Variants in ADGRG4 observed in about 807,000 individuals in gnomAD.
ADGRG4 encodes the protein G protein-coupled receptor 112.
A neutral mutation model predicts 126.2 loss-of-function variants in ADGRG4; 122 were observed. The ratio of observed to expected loss-of-function variants is 0.97; its 90% CI spans 0.83 to 1.12. ADGRG4 has a LOEUF of 1.12. Ranked by LOEUF, ADGRG4 falls within the 50% of genes most tolerant of loss-of-function variation. ADGRG4 has a pLI of 0.00. For synonymous variants in ADGRG4, 943 were observed against 838.7 expected, an observed-to-expected ratio of 1.12 and a Z score of -2.15; for missense variants, 2,481 against 2,251.8, an observed-to-expected ratio of 1.10 and a Z score of -2.06.
At position 136,348,124 on chromosome X, in the gene ADGRG4, T is replaced by G. The variant is rs934681365; in HGVS notation, c.4418T>G (p.Leu1473Arg). Residue 1473 changes from leucine to arginine, a missense_variant, in exon 6 of 26, where the codon CTA becomes CGA. Physicochemically the swap from Leu to Arg is moderately radical, Grantham distance 102 (BLOSUM62 -2). Transcript: ENST00000394143. ...PESLSLSTAG[L>R]YNDGFTVLSD... The stretch of plus-strand genomic sequence containing the variant: ...TCCTTGTCTCTTTCCACAGCTGGAC[T>G]ATATAATGACGGTTTTACAGTTCTC... The G allele has an allele frequency of 9.1e-6, 11 of 1,210,798 alleles. No homozygotes were observed. The highest frequency in any genetic ancestry group is 6.5e-5 in the Admixed American group (3 of 46,008).
At chrX:136,373,356 T>C (rs1171655876) in intron 15 of ADGRG4, among the ~76,000 whole-genome samples, 1 of 111,730 alleles carries the variant, frequency 9.0e-6, no homozygotes, top group African/African-American at 3.3e-5. Flanking sequence ...TGTTGGACAT[T>C]GTGCTACTGC....
chrX:136,327,464 A>AAAT (rs201257685), intron 5 of ADGRG4, among the ~76,000 whole-genome samples: 2,134 of 97,463 alleles, frequency 0.022, 27 homozygotes, highest in African/African-American at 0.042. Context: ...GTGGGAAATA[A>AAAT]AATAATAATA....
chrX:136,322,760 T>G lies in ADGRG4; in HGVS notation c.71-18T>G. On this transcript the variant is annotated intron_variant, in intron 4 of 25. Transcript: ENST00000394143. ...AATTTCATTTGTTTTCTCTTTCCCCTCCCCCAAATTTGGACAGATACACTT... is the reference window on the plus strand; with the variant it reads ...AATTTCATTTGTTTTCTCTTTCCCCGCCCCCAAATTTGGACAGATACACTT... 9 of 1,152,527 alleles carry G rather than the reference T, an allele frequency of 7.8e-6. No individual in the cohort carries two copies. Among genetic ancestry groups the G allele is most frequent in the Non-Finnish European group, 1.0e-5 (9 of 867,331 alleles). 95.0% of individuals were successfully genotyped at this position (1,152,527 alleles called of 1,213,427 possible).
intron 23 of ADGRG4, among the ~76,000 whole-genome samples, chrX:136,406,997 A>T (rs1326936716): frequency 9.0e-6 from 1 of 111,283 alleles, no homozygotes; most frequent in African/African-American, 3.3e-5. Flanking sequence ...TTGCCTATTA[A>T]AAATATTGGG....
Position 136,344,802 on chromosome X carries a change from C to T in ADGRG4, c.1096C>T (p.Gln366Ter), listed in dbSNP as rs920650271. Reference sequence around the variant, plus strand: ...TGAAGCCATGGCTACTGAAATCTTTCAACCACCTACACCTTCTAATTTCCT... The same window carrying T: ...TGAAGCCATGGCTACTGAAATCTTTTAACCACCTACACCTTCTAATTTCCT... ...MVEAMATEIFQPPTPSNFLST... is the reference protein window; with the variant it reads ...MVEAMATEIF The change falls in exon 6 of 26, where the codon CAA (glutamine) becomes TAA (stop). Residue 366 changes from glutamine (Q) to a stop codon, truncating the protein, a stop_gained. Transcript: ENST00000394143. LOFTEE classifies it high-confidence loss of function. 1.1e-5 allele frequency: 13 copies of T among 1,205,553 alleles called. No homozygotes were observed. Among genetic ancestry groups the T allele is most frequent in the Non-Finnish European group, 1.5e-5 (13 of 890,287 alleles).
At position 136,392,293 on chromosome X, in the gene ADGRG4, T is replaced by C. The variant is rs1249382533; in HGVS notation, c.7973T>C (p.Met2658Thr). The C allele has an allele frequency of 3.4e-6, 4 of 1,180,608 alleles. No homozygotes were observed. The highest frequency in any genetic ancestry group is 4.6e-6 in the Non-Finnish European group (4 of 874,668). ...YVVSASISDD[M>T]FIQNLADPVV... ...GTGAGTGCCAGCATTTCAGATGATA[T>C]GTTCATTCAAAACTTAGCTGACCCA... Residue 2658 changes from methionine to threonine, a missense_variant, in exon 17 of 26, where the codon ATG (methionine) becomes ACG (threonine). Transcript: ENST00000394143.
intron 13 of ADGRG4, among the ~76,000 whole-genome samples, chrX:136,364,088 G>A (rs1205404879): frequency 9.0e-6 from 1 of 111,084 alleles, no homozygotes; most frequent in Non-Finnish European, 1.9e-5. Flanking sequence ...TGGGATTACA[G>A]GTGTGAGCCA....
intron 6 of ADGRG4, among the ~76,000 whole-genome samples, 163 bp from the exon 7 acceptor site, chrX:136,351,284 G>A (rs1292858137): frequency 9.0e-6 from 1 of 111,475 alleles, no homozygotes; most frequent in Admixed American, 9.5e-5. Flanking sequence ...ATATGGAGCC[G>A]AAAGTGTTGG....
Position 136,335,531 on chromosome X carries a change from T to C in ADGRG4, c.686-8861T>C, listed in dbSNP as rs191577550. ...TTGTGAAGGCTTTTAAATTAGTAGT[T>C]CAATTTCTTTAATAGCTATAGGGCT... On this transcript the variant is annotated intron_variant, in intron 5 of 25. Coordinates refer to ENST00000394143, the MANE Select transcript of ADGRG4 (RefSeq NM_153834.4). Among the ~76,000 whole-genome samples, 11 of 111,526 alleles carry C rather than the reference T, an allele frequency of 9.9e-5. No homozygotes were observed. In the East Asian group the frequency reaches 3.1e-3, roughly 31 times the overall value.
chrX:136,329,316 G>A (rs766221800), intron 5 of ADGRG4, among the ~76,000 whole-genome samples: 2 of 111,887 alleles, frequency 1.8e-5, no homozygotes, highest in Admixed American at 9.5e-5. Flanking sequence ...TCTGTTGGCA[G>A]GTACATCTGC....
chrX:136,383,866 C>CTT (rs766040849), intron 15 of ADGRG4, among the ~76,000 whole-genome samples: 1 of 45,463 alleles, frequency 2.2e-5, no homozygotes, highest in African/African-American at 8.0e-5. Flanking sequence ...TTCTTTCTTT[C>CTT]TTTCTTTCTT....
At chrX:136,410,998 T>G (rs1167446481) in intron 23 of ADGRG4, among the ~76,000 whole-genome samples, 1 of 111,970 alleles carries the variant, frequency 8.9e-6, no homozygotes, top group East Asian at 2.8e-4. Flanking sequence ...AGGAGTTATT[T>G]CTGCCAATCC....
chrX:136,360,334 A>C (rs1388184737), intron 11 of ADGRG4, among the ~76,000 whole-genome samples: 1 of 111,315 alleles, frequency 9.0e-6, no homozygotes, highest in Middle Eastern at 4.2e-3. Context: ...GCTCAGAAAA[A>C]AATGGGAACT....
chrX:136,413,739 T>C lies in ADGRG4; in HGVS notation c.9038-421T>C, dbSNP rs750753366. 2.3e-4 allele frequency among the ~76,000 whole-genome samples: 12 copies of C among 52,679 alleles called. No individual in the cohort carries two copies. The Admixed American group carries it at 3.0e-3, about 13-fold the overall frequency. 45.7% of individuals were successfully genotyped at this position (52,679 alleles called of 115,157 possible). On this transcript the variant is annotated intron_variant, in intron 24 of 25. Transcript: ENST00000394143. ...AGCTTTGTTTTTTTGTTTTTGTTTT[T>C]GTTTTTGTTTTTTTTTTTGAGACAG...
intron 21 of ADGRG4, among the ~76,000 whole-genome samples, chrX:136,400,916 C>T (rs2075376308): frequency 8.9e-6 from 1 of 112,102 alleles, no homozygotes; most frequent in African/African-American, 3.2e-5. Context: ...GTATTCAAGG[C>T]AGATTTTGGG....
chrX:136,397,753 C>A, intron 19 of ADGRG4, 128 bp from the exon 20 acceptor site: 1 of 599,894 alleles, frequency 1.7e-6, no homozygotes, highest in Non-Finnish European at 2.7e-6. Flanking sequence ...TTCACATAAT[C>A]TGGTTTTAGA....
At chrX:136,407,343 A>AC (rs1427168006) in intron 23 of ADGRG4, among the ~76,000 whole-genome samples, 1 of 109,769 alleles carries the variant, frequency 9.1e-6, no homozygotes, top group Non-Finnish European at 1.9e-5. Context: ...ATTATGAAAA[A>AC]AAAAAAACCT....
In ADGRG4 at chrX:136,387,850, C is replaced by A. The variant is rs1334865153; in HGVS notation, c.7887C>A (p.Phe2629Leu). 2.5e-6 allele frequency: 3 copies of A among 1,207,181 alleles called. No homozygotes were observed. Among genetic ancestry groups the A allele is most frequent in the Non-Finnish European group, 3.4e-6 (3 of 893,333 alleles). The change falls in exon 16 of 26, where the codon TTC becomes TTA. Residue 2629 changes from phenylalanine to leucine, a missense_variant. Transcript: ENST00000394143. ...ACTTACAAACGATCTTGTTTAATTT[C>A]TTTGGCCAAACTTCACTCTTTAAGG... Reference protein sequence around the residue: ...LSNLQTILFNFFGQTSLFKTK... With the variant: ...LSNLQTILFNLFGQTSLFKTK...
intron 18 of ADGRG4, among the ~76,000 whole-genome samples, chrX:136,395,054 C>T (rs960377173): frequency 1.8e-5 from 2 of 110,793 alleles, no homozygotes; most frequent in African/African-American, 6.6e-5. Context: ...ATATTCCATA[C>T]GTCCATGTCC....
Sources: gnomAD v4.1 joint callset for allele counts (sites outside exome capture counted in the v4.1 genomes callset) on GRCh38, gnomAD v4.1.1 for gene constraint, MANE v1.5 for transcripts, NCBI Gene and HGNC (gene_info 2026-07-23, HGNC 2026-07-21) for gene names.